The following IREB2 variants were observed in gnomAD, a reference collection of about 807,000 sequenced individuals.
The protein encoded by IREB2 is iron responsive element binding protein 2, also known as iron-responsive element-binding protein 2.
In IREB2, 39 loss-of-function variants were observed where a neutral mutation model predicts 118.8. The observed-to-expected ratio is 0.33, with a 90% confidence interval of 0.25 to 0.43. IREB2 has a LOEUF of 0.43. Ranked by LOEUF, IREB2 falls within the 20% of genes least tolerant of loss-of-function variation. IREB2 has a pLI of 1.00. For synonymous variants in IREB2, 372 were observed against 392.2 expected (o/e 0.95, Z 0.61); for missense variants, 900 against 1,147.3 (o/e 0.78, Z 3.11).
At chr15:78,444,666 G>A (rs973918783) in intron 2 of IREB2, among the ~76,000 whole-genome samples, 2 of 151,958 alleles carry the variant, frequency 1.3e-5, no homozygotes, top group Admixed American at 6.6e-5. Flanking sequence ...CATTGCAGAT[G>A]GTACAGAAAG....
intron 2 of IREB2, among the ~76,000 whole-genome samples, chr15:78,461,507 T>C (rs2051195885): frequency 6.6e-6 from 1 of 152,216 alleles, no homozygotes; most frequent in African/African-American, 2.4e-5. Context: ...AAAAACGGAT[T>C]ATTTTACTGC....
chr15:78,493,960 T>C lies in IREB2; in HGVS notation c.2376T>C (p.Ala792=). 5.6e-6 allele frequency: 9 copies of C among 1,614,080 alleles called. No homozygotes were observed. The South Asian group carries it at 8.8e-5, about 16-fold the overall frequency. ...ACGGAGCTCGAAGAGGTAATGATGC[T>C]GTAATGACAAGAGGCACTTTTGCAA... ...NSYGARRGND[A]VMTRGTFANI... The change falls in exon 19 of 22, where the codon GCT becomes GCC. Residue 792 remains alanine (A), a synonymous_variant. Transcript: ENST00000258886.
chr15:78,450,437 A>G (rs547506885), intron 2 of IREB2, among the ~76,000 whole-genome samples: 25 of 152,362 alleles, frequency 1.6e-4, no homozygotes, highest in Non-Finnish European at 1.9e-4. Context: ...GTTGGCCCAC[A>G]GATAACAGAG....
At position 78,497,281 on chromosome 15, in the gene IREB2, A is replaced by G. The variant is rs1289818283; in HGVS notation, c.2751A>G (p.Glu917=). The change falls in exon 21 of 22, where the codon GAA becomes GAG. Residue 917 remains glutamate, a synonymous_variant. Coordinates refer to ENST00000258886, the MANE Select transcript of IREB2 (RefSeq NM_004136.4). ...CATTTTCTTTAACATTTCCTGAAGA[A>G]CTGTCTCCTGGAATTACATTGAATA... ...RETFSLTFPE[E]LSPGITLNIQ... is the part of the protein sequence containing the mutation. 2 of 1,613,592 alleles carry G rather than the reference A, an allele frequency of 1.2e-6. No homozygotes were observed. Among genetic ancestry groups the G allele is most frequent in the African/African-American group, 1.3e-5 (1 of 74,916 alleles).
intron 20 of IREB2, among the ~76,000 whole-genome samples, chr15:78,495,849 G>A (rs1477356927): frequency 2.0e-5 from 3 of 152,126 alleles, no homozygotes; most frequent in Admixed American, 2.0e-4. Context: ...GAAGGGAGGT[G>A]AACAGGAAGA....
At chr15:78,450,786 G>C (rs1050892190) in intron 2 of IREB2, among the ~76,000 whole-genome samples, 1 of 151,544 alleles carries the variant, frequency 6.6e-6, no homozygotes, top group African/African-American at 2.4e-5. Flanking sequence ...AGGAACTCCA[G>C]CTCCTAAGTT....
chr15:78,456,580 T>C (rs2141466057), intron 2 of IREB2, among the ~76,000 whole-genome samples: 1 of 151,882 alleles, frequency 6.6e-6, no homozygotes, highest in Middle Eastern at 3.4e-3. Flanking sequence ...GTGGGAGGAT[T>C]GCCCGAGCCC....
chr15:78,475,077 A>AAG (rs2051446017), intron 8 of IREB2: 1 of 151,372 alleles, frequency 6.6e-6, no homozygotes, highest in African/African-American at 2.4e-5. Context: ...AAAAAAAAAA[A>AAG]AAAAAAAAAC....
intron 11 of IREB2, among the ~76,000 whole-genome samples, chr15:78,483,681 T>C (rs1040978374): frequency 3.9e-5 from 6 of 152,216 alleles, no homozygotes; most frequent in East Asian, 1.9e-4. Flanking sequence ...CAATTTAAAA[T>C]TGAGTTTCTT....
intron 2 of IREB2, among the ~76,000 whole-genome samples, chr15:78,442,778 C>T (rs543127970): frequency 6.6e-6 from 1 of 152,256 alleles, no homozygotes; most frequent in African/African-American, 2.4e-5. Flanking sequence ...TGTTTTTATT[C>T]TTTTGGTTGC....
chr15:78,476,146 T>A (rs780545749), intron 8 of IREB2, 42 bp from the exon 9 acceptor site: 6 of 1,442,526 alleles, frequency 4.2e-6, no homozygotes, highest in Non-Finnish European at 5.6e-6. Flanking sequence ...GCTAATCTTA[T>A]CTTTGCAATT....
At chr15:78,487,701 T>C in intron 13 of IREB2, 32 bp from the exon 14 acceptor site, 2 of 1,118,494 alleles carry the variant, frequency 1.8e-6, no homozygotes, top group Non-Finnish European at 2.7e-6. Flanking sequence ...TGTTGTGATG[T>C]GCTATTCAGT....
intron 3 of IREB2, 65 bp from the exon 4 acceptor site, chr15:78,465,186 T>G: frequency 1.6e-6 from 2 of 1,279,684 alleles, no homozygotes; most frequent in Non-Finnish European, 2.2e-6. Context: ...TGAAAAAGTT[T>G]ATCATTTATT....
chr15:78,490,385 C>G, intron 16 of IREB2, 37 bp from the exon 17 acceptor site: 1 of 1,375,428 alleles, frequency 7.3e-7, no homozygotes, highest in Admixed American at 2.2e-5. Flanking sequence ...GTCCTTTTAT[C>G]TTTGCTTTGG....
intron 2 of IREB2, among the ~76,000 whole-genome samples, chr15:78,455,570 A>G (rs2051092302): frequency 1.0e-5 from 1 of 96,002 alleles, no homozygotes; most frequent in Non-Finnish European, 2.5e-5. Context: ...ATCTCTATTG[A>G]AAAAAAAAAG....
intron 10 of IREB2, among the ~76,000 whole-genome samples, chr15:78,480,741 C>T (rs1350574004): frequency 6.9e-6 from 1 of 145,638 alleles, no homozygotes; most frequent in Non-Finnish European, 1.5e-5. Flanking sequence ...CGCCTGTAAT[C>T]CTAGCACTTT....
intron 2 of IREB2, among the ~76,000 whole-genome samples, chr15:78,446,892 A>AGTT (rs2050938529): frequency 1.2e-4 from 1 of 8,004 alleles, no homozygotes; most frequent in Non-Finnish European, 3.1e-4. Context: ...CATGCTTACC[A>AGTT]GTGAATGAGA....
intron 13 of IREB2, among the ~76,000 whole-genome samples, chr15:78,486,429 A>G (rs546958621): frequency 2.6e-5 from 4 of 152,106 alleles, no homozygotes; most frequent in African/African-American, 9.6e-5. Flanking sequence ...ATATGGTGAA[A>G]CCCCGTCTCC....
chr15:78,462,217 C>T (rs951575022), intron 2 of IREB2, among the ~76,000 whole-genome samples: 1 of 152,136 alleles, frequency 6.6e-6, no homozygotes, highest in Non-Finnish European at 1.5e-5. Context: ...ACTCTTCACT[C>T]CTTTAAACAG....
Sources: gnomAD v4.1 joint callset for allele counts (sites outside exome capture counted in the v4.1 genomes callset) on GRCh38, gnomAD v4.1.1 for gene constraint, MANE v1.5 for transcripts, NCBI Gene and HGNC (gene_info 2026-07-23, HGNC 2026-07-21) for gene names.